The following NELL1 variants were observed in gnomAD, a reference collection of about 807,000 sequenced individuals.
NELL1 encodes neural EGFL like 1.
Under a neutral mutation model 107.4 loss-of-function variants are expected in NELL1, and 76 were observed. The ratio of observed to expected loss-of-function variants is 0.71; its 90% confidence interval spans 0.59 to 0.86. The LOEUF is 0.86. Ranked by LOEUF, NELL1 falls within the 40% of genes least tolerant of loss-of-function variation. The pLI, the probability that NELL1 is intolerant of heterozygous loss-of-function variation, is 0.00. For synonymous variants in NELL1, 353 were observed against 341.2 expected (o/e 1.03, Z -0.38); for missense variants, 1,024 against 1,005.5 (o/e 1.02, Z -0.25).
chr11:21,559,012 T>G (rs1227697310), intron 16 of NELL1, among the ~76,000 whole-genome samples: 1 of 152,118 alleles, frequency 6.6e-6, no homozygotes, highest in African/African-American at 2.4e-5. Flanking sequence ...TTTGGGATCT[T>G]TTCTATAATT....
intron 15 of NELL1, among the ~76,000 whole-genome samples, chr11:21,486,985 C>A (rs1164045730): frequency 6.6e-6 from 1 of 152,038 alleles, no homozygotes; most frequent in Non-Finnish European, 1.5e-5. Context: ...CATAAACCAA[C>A]TGATTATTGA....
rs201271895 is a variant in NELL1 at position 21,497,035 on chromosome 11, AT to A, written c.1646-37335del. Among the ~76,000 whole-genome samples, 2,419 of 151,812 alleles carry A rather than the reference AT, an allele frequency of 0.016. 191 individuals are homozygous for A. The East Asian group carries it at 0.26, about 16-fold the overall frequency. On this transcript the variant is annotated intron_variant, in intron 15 of 19. Transcript: ENST00000357134. ...TTAATCCAGTCTATCATTGTTGGAC[AT>A]TTTGGGTTGCTTCCAAGTCTTTGCT...
chr11:21,137,935 G>A (rs1855780185), intron 13 of NELL1, among the ~76,000 whole-genome samples: 1 of 152,048 alleles, frequency 6.6e-6, no homozygotes, highest in Admixed American at 6.6e-5. Flanking sequence ...CAGAAACCAC[G>A]AAAACCAGCG....
At chr11:20,776,581 C>G (rs750174355) in intron 2 of NELL1, among the ~76,000 whole-genome samples, 6 of 151,838 alleles carry the variant, frequency 4.0e-5, no homozygotes, top group Non-Finnish European at 7.4e-5. Context: ...AAGACAGGAA[C>G]CTGAGTTGGC....
chr11:20,931,454 T>C (rs1850616424), intron 9 of NELL1, among the ~76,000 whole-genome samples: 1 of 152,172 alleles, frequency 6.6e-6, no homozygotes, highest in Non-Finnish European at 1.5e-5. Flanking sequence ...CCCTTTTAAA[T>C]ATAAGTATGT....
intron 14 of NELL1, among the ~76,000 whole-genome samples, chr11:21,339,036 G>A (rs951026773): frequency 6.6e-5 from 10 of 152,062 alleles, no homozygotes; most frequent in South Asian, 2.1e-4. Flanking sequence ...ATTAATCAGC[G>A]CTGAATCCAG....
intron 2 of NELL1, among the ~76,000 whole-genome samples, chr11:20,776,570 A>G (rs1856755452): frequency 6.6e-6 from 1 of 152,184 alleles, no homozygotes; most frequent in Admixed American, 6.5e-5. Context: ...GAAGATAAAT[A>G]AAGACAGGAA....
intron 14 of NELL1, among the ~76,000 whole-genome samples, chr11:21,237,479 T>G (rs182912007): frequency 2.6e-4 from 39 of 152,216 alleles, no homozygotes; most frequent in African/African-American, 8.9e-4. Context: ...CTCTTTAGTT[T>G]TATAATTCGA....
chr11:21,273,998 C>T (rs530266535), intron 14 of NELL1, among the ~76,000 whole-genome samples: 3 of 152,252 alleles, frequency 2.0e-5, no homozygotes, highest in East Asian at 1.9e-4. Flanking sequence ...CATCAACTAA[C>T]GAGCAAAATA....
At chr11:21,241,548 T>C (rs956215075) in intron 14 of NELL1, among the ~76,000 whole-genome samples, 1 of 152,136 alleles carries the variant, frequency 6.6e-6, no homozygotes, top group African/African-American at 2.4e-5. Flanking sequence ...TTGACTCAGG[T>C]CTTTTTTAAG....
chr11:21,425,320 TATCA>T (rs1367911652), intron 15 of NELL1, among the ~76,000 whole-genome samples: 1 of 152,112 alleles, frequency 6.6e-6, no homozygotes, highest in Non-Finnish European at 1.5e-5. Flanking sequence ...CCTAGGTAGG[TATCA>T]ATCAGTTATG....
chr11:21,272,686 G>A (rs894276811), intron 14 of NELL1, among the ~76,000 whole-genome samples: 4 of 152,166 alleles, frequency 2.6e-5, no homozygotes, highest in African/African-American at 7.2e-5. Flanking sequence ...ACACGGCCTG[G>A]TACTCCTCTC....
intron 5 of NELL1, among the ~76,000 whole-genome samples, chr11:20,911,748 G>C (rs191637885): frequency 1.2e-4 from 19 of 152,248 alleles, no homozygotes; most frequent in Admixed American, 5.2e-4. Context: ...TCATGGAATG[G>C]CTCATTACAA....
rs186304161 is a variant in NELL1, at chr11:21,480,510, C to A, written c.1646-53864C>A. On this transcript the variant is annotated intron_variant, in intron 15 of 19. Coordinates refer to ENST00000357134, the MANE Select transcript of NELL1 (RefSeq NM_006157.5). ...GGCTGTTCATTCAGCTTCACAGTGT[C>A]GGCCACGGATATGCTAAATTGTCAC... Among the ~76,000 whole-genome samples the A allele has an allele frequency of 2.6e-5, 4 of 152,258 alleles. No homozygotes were observed. The East Asian group carries it at 7.7e-4, about 29-fold the overall frequency.
chr11:20,732,893 C>G (rs1337525553), intron 2 of NELL1, among the ~76,000 whole-genome samples: 1 of 152,110 alleles, frequency 6.6e-6, no homozygotes, highest in Non-Finnish European at 1.5e-5. Context: ...ATGCCAGGTA[C>G]CATTCCAGGT....
intron 12 of NELL1, among the ~76,000 whole-genome samples, chr11:21,024,646 T>G (rs1214301252): frequency 6.6e-6 from 1 of 152,148 alleles, no homozygotes; most frequent in African/African-American, 2.4e-5. Flanking sequence ...ATGAAAAGGC[T>G]TGCATTCTAT....
At chr11:20,977,841 A>T (rs1400374) in intron 12 of NELL1, among the ~76,000 whole-genome samples, 25,239 of 152,026 alleles carry the variant, frequency 0.17, 2,401 homozygotes, top group Middle Eastern at 0.28. Context: ...TATCAGTACA[A>T]CTTCTATGTT....
At chr11:21,387,578 G>A (rs1851775524) in intron 15 of NELL1, among the ~76,000 whole-genome samples, 1 of 151,854 alleles carries the variant, frequency 6.6e-6, no homozygotes, top group Non-Finnish European at 1.5e-5. Context: ...TCAGAGCTGT[G>A]ATTTGAACAG....
intron 2 of NELL1, among the ~76,000 whole-genome samples, chr11:20,722,488 T>C (rs1855415330): frequency 6.6e-6 from 1 of 152,216 alleles, no homozygotes; most frequent in Non-Finnish European, 1.5e-5. Flanking sequence ...GTACACATTT[T>C]GTAGGGTTAT....
Sources: gnomAD v4.1 joint callset for allele counts (sites outside exome capture counted in the v4.1 genomes callset) on GRCh38, gnomAD v4.1.1 for gene constraint, MANE v1.5 for transcripts, NCBI Gene and HGNC (gene_info 2026-07-23, HGNC 2026-07-21) for gene names.